The following MAP4K4 variants were observed in gnomAD, a reference collection of about 807,000 sequenced individuals.
The protein encoded by MAP4K4 is mitogen-activated protein kinase kinase kinase kinase 4.
Under a neutral mutation model 189.6 loss-of-function variants are expected in MAP4K4, and 38 were observed. That is an observed-to-expected ratio of 0.20 (90% CI 0.15 to 0.26). The LOEUF (loss-of-function observed/expected upper bound fraction) is 0.26. Among genes scored for constraint, MAP4K4 ranks in the 10% least tolerant of loss-of-function variants. The pLI is 1.00. For synonymous variants in MAP4K4, 610 were observed against 624.3 expected, an observed-to-expected ratio of 0.98 and a Z score of 0.34; for missense variants, 1,054 against 1,726.9, an observed-to-expected ratio of 0.61 and a Z score of 6.91.
intron 3 of MAP4K4, among the ~76,000 whole-genome samples, chr2:101,808,476 T>A (rs541296031): frequency 6.6e-6 from 1 of 152,278 alleles, no homozygotes; most frequent in South Asian, 2.1e-4. Flanking sequence ...CCTTTGACTT[T>A]ACTGGTTACT....
rs551458977 is a variant in MAP4K4, at chr2:101,862,034, A to C, written c.1866+1048A>C. The stretch of plus-strand genomic sequence containing the variant: ...CAGATCACCTGAGGTCAGGAGTTCG[A>C]GACCAGCCTGGCCAACCTGGCAAAA... On this transcript the variant is annotated intron_variant, in intron 16 of 32. Coordinates refer to ENST00000324219, the Ensembl canonical transcript of MAP4K4. The C allele has an allele frequency of 4.6e-5, 7 of 152,116 alleles. No homozygotes were observed. In the South Asian group the frequency reaches 1.5e-3, roughly 32 times the overall value. The allele number at this position is 152,116 out of a possible 1,614,324, so 9.4% of individuals were successfully genotyped here. A position where few individuals can be genotyped will look rare whatever the true frequency, so the allele number is the denominator to read the frequency against.
At chr2:101,773,569 T>A (rs1014564999) in intron 2 of MAP4K4, among the ~76,000 whole-genome samples, 1 of 152,254 alleles carries the variant, frequency 6.6e-6, no homozygotes, top group Non-Finnish European at 1.5e-5. Context: ...CATCCCCTCA[T>A]GCATTTATCC....
chr2:101,873,570 G>C, intron 24 of MAP4K4, 77 bp from the exon 25 acceptor site: 1 of 781,218 alleles, frequency 1.3e-6, no homozygotes, highest in African/African-American at 1.7e-5. Context: ...CAATATAGAA[G>C]TGAATTGAAA....
intron 5 of MAP4K4, 30 bp downstream of exon 5, chr2:101,825,459 A>C (rs779575160): frequency 1.4e-6 from 2 of 1,417,522 alleles, no homozygotes; most frequent in Admixed American, 3.5e-5. Context: ...ACAGTGCTCC[A>C]ACTCATGATC....
intron 6 of MAP4K4, among the ~76,000 whole-genome samples, chr2:101,831,008 A>T (rs957180671): frequency 6.6e-6 from 1 of 152,098 alleles, no homozygotes; most frequent in Non-Finnish European, 1.5e-5. Flanking sequence ...GGGCTCCTCC[A>T]CCTTTGCAGG....
chr2:101,705,187 G>T (rs190382050), intron 2 of MAP4K4, among the ~76,000 whole-genome samples: 1 of 152,186 alleles, frequency 6.6e-6, no homozygotes, highest in African/African-American at 2.4e-5. Context: ...AGTGAAAAAC[G>T]ATTAACCATA....
At chr2:101,765,220 A>G (rs2078104107) in intron 2 of MAP4K4, among the ~76,000 whole-genome samples, 1 of 152,120 alleles carries the variant, frequency 6.6e-6, no homozygotes, top group African/African-American at 2.4e-5. Context: ...AGGAAGGGGT[A>G]TTGGGAATAT....
exon 18 of MAP4K4, chr2:101,864,996 G>T: frequency 6.3e-7 from 1 of 1,575,896 alleles, no homozygotes; most frequent in Non-Finnish European, 8.6e-7. Context: ...GCAGGGCAGT[G>T]GGCAGCAGAA....
chr2:101,768,859 T>C (rs1225895390), intron 2 of MAP4K4, among the ~76,000 whole-genome samples: 1 of 152,208 alleles, frequency 6.6e-6, no homozygotes, highest in African/African-American at 2.4e-5. Context: ...AAATGCCTTT[T>C]ATTTGCTCCG....
rs2097587560 is a variant in MAP4K4 at position 101,859,968 on chromosome 2, AATT to A, written c.1704+107_1704+109del. ...CTAGAACGGGCCATAGAGTTTAGCT[AATT>A]ATCTGGTTTCTTCATTTTCTAACTA... On this transcript the variant is annotated intron_variant, in intron 15 of 32. Coordinates refer to ENST00000324219, the Ensembl canonical transcript of MAP4K4. The A allele has an allele frequency of 6.0e-6, 7 of 1,159,992 alleles. No homozygotes were observed. The East Asian group carries it at 1.8e-4, about 30-fold the overall frequency. 71.9% of individuals were successfully genotyped at this position (1,159,992 alleles called of 1,614,324 possible).
intron 2 of MAP4K4, among the ~76,000 whole-genome samples, chr2:101,726,083 A>C (rs966208332): frequency 1.3e-5 from 2 of 152,182 alleles, no homozygotes; most frequent in Non-Finnish European, 2.9e-5. Context: ...GCTAGAATGA[A>C]TGTGGACTTT....
chr2:101,741,285 A>G (rs1010983681), intron 2 of MAP4K4, among the ~76,000 whole-genome samples: 3 of 150,128 alleles, frequency 2.0e-5, no homozygotes, highest in Non-Finnish European at 4.4e-5. Flanking sequence ...CTCCTGCCTC[A>G]GCCTCCCGAG....
At chr2:101,817,591 C>G (rs1281095937) in intron 3 of MAP4K4, among the ~76,000 whole-genome samples, 1 of 152,166 alleles carries the variant, frequency 6.6e-6, no homozygotes, top group Non-Finnish European at 1.5e-5. Context: ...TTGAAAGATT[C>G]AGCAGGTGGC....
chr2:101,772,267 TTGTCTCCCCAGG>T (rs1228983710), intron 2 of MAP4K4, among the ~76,000 whole-genome samples: 2 of 152,220 alleles, frequency 1.3e-5, no homozygotes, highest in Admixed American at 1.3e-4. Flanking sequence ...GAAGGGCCAA[TTGTCTCCCCAGG>T]TGTCCCCCAT....
At chr2:101,747,015 C>G (rs535029529) in intron 2 of MAP4K4, among the ~76,000 whole-genome samples, 1 of 152,288 alleles carries the variant, frequency 6.6e-6, no homozygotes, top group East Asian at 1.9e-4. Flanking sequence ...GGTTGGCATC[C>G]TGACATCCTG....
At chr2:101,718,605 GGGGGTGGGGTGGTGGT>G (rs2049908732) in intron 2 of MAP4K4, among the ~76,000 whole-genome samples, 1 of 135,288 alleles carries the variant, frequency 7.4e-6, no homozygotes, top group Admixed American at 7.4e-5. Context: ...GTGGGGGATG[GGGGGTGGGGTGGTGGT>G]GGGGTGGATG....
chr2:101,766,773 T>A (rs2150277997), intron 2 of MAP4K4, among the ~76,000 whole-genome samples: 1 of 152,358 alleles, frequency 6.6e-6, no homozygotes, highest in East Asian at 1.9e-4. Context: ...TAGGTTGAGG[T>A]ACCTTCTTTA....
chr2:101,833,077 TGAGCCCCTTTGTGTACCCTGATAGTATAG>T, intron 7 of MAP4K4, among the ~76,000 whole-genome samples: 1 of 152,146 alleles, frequency 6.6e-6, no homozygotes, highest in Admixed American at 6.5e-5. Context: ...GTTAGGGTAA[TGAGCCCCTTTGTGTACCCTGATAGTATAG>T]AAAGCTTAAT....
At chr2:101,807,247 A>G (rs1230747394) in intron 3 of MAP4K4, among the ~76,000 whole-genome samples, 2 of 151,848 alleles carry the variant, frequency 1.3e-5, no homozygotes, top group East Asian at 1.9e-4. Flanking sequence ...TTTTAGAGAC[A>G]GGGTCTCACT....
Sources: allele counts gnomAD v4.1 joint callset (sites outside exome capture counted in the v4.1 genomes callset), GRCh38; gene constraint gnomAD v4.1.1; transcripts MANE v1.5; gene names NCBI Gene and HGNC (gene_info 2026-07-23, HGNC 2026-07-21).